RUNX1: variants seen among roughly 807,000 people sequenced by gnomAD.
The protein encoded by RUNX1 is RUNX family transcription factor 1, also known as runt-related transcription factor 1.
A neutral mutation model predicts 42.8 loss-of-function variants in RUNX1; 19 were observed. The observed-to-expected ratio is 0.44, with a 90% CI of 0.31 to 0.65. RUNX1 has a LOEUF of 0.65. RUNX1 is among the 30% of genes least tolerant of loss of function. The probability of loss-of-function intolerance (pLI) is 0.07; values close to 1 mark genes in which losing one functional copy is unlikely to be tolerated. For missense variants in RUNX1, 528 were observed against 672.0 expected (o/e 0.79, Z 2.37); for synonymous variants, 271 against 289.4 (o/e 0.94, Z 0.64).
At chr21:34,833,937 A>G (rs2057101439) in intron 7 of RUNX1, 2 of 315,254 alleles carry the variant, frequency 6.3e-6, no homozygotes, top group African/African-American at 4.3e-5. Flanking sequence ...TTTCTTAATA[A>G]TAAAAAAACA....
At chr21:35,049,054 C>T in intron 1 of RUNX1, 96 bp from the exon 2 acceptor site, 3 of 691,302 alleles carry the variant, frequency 4.3e-6, no homozygotes, top group South Asian at 3.0e-5. Flanking sequence ...ACCTCTGGGA[C>T]TCCCCAAGCC....
At chr21:34,890,631 C>A (rs2058070443) in intron 3 of RUNX1, among the ~76,000 whole-genome samples, 1 of 152,190 alleles carries the variant, frequency 6.6e-6, no homozygotes, top group Non-Finnish European at 1.5e-5. Flanking sequence ...CACCCGAGTT[C>A]AGTTTTGTTT....
chr21:34,903,848 A>C, intron 2 of RUNX1, among the ~76,000 whole-genome samples: 1 of 152,330 alleles, frequency 6.6e-6, no homozygotes, highest in East Asian at 1.9e-4. Flanking sequence ...CAAAAACTTT[A>C]AAATTTCATG....
chr21:34,920,931 T>C (rs1352735137), intron 2 of RUNX1, among the ~76,000 whole-genome samples: 1 of 152,212 alleles, frequency 6.6e-6, no homozygotes, highest in African/African-American at 2.4e-5. Context: ...TGATCTTGGC[T>C]CACTGCAACT....
At chr21:34,882,007 C>A (rs1027426421) in intron 4 of RUNX1, among the ~76,000 whole-genome samples, 2 of 152,160 alleles carry the variant, frequency 1.3e-5, no homozygotes, top group African/African-American at 4.8e-5. Context: ...CCAATTACAT[C>A]ATCATTTTTG....
intron 2 of RUNX1, among the ~76,000 whole-genome samples, chr21:34,930,779 AT>A (rs2058438523): frequency 6.6e-6 from 1 of 151,946 alleles, no homozygotes; most frequent in Non-Finnish European, 1.5e-5. Context: ...AAATTTTGAG[AT>A]TTGAGAAAAG....
chr21:34,981,522 T>A (rs1295112957), intron 2 of RUNX1, among the ~76,000 whole-genome samples: 2 of 152,196 alleles, frequency 1.3e-5, no homozygotes, highest in Non-Finnish European at 2.9e-5. Context: ...CACCCAGGAA[T>A]GGATTTAACT....
chr21:34,817,761 G>A (rs141919219), intron 7 of RUNX1, among the ~76,000 whole-genome samples: 12 of 152,256 alleles, frequency 7.9e-5, no homozygotes, highest in Non-Finnish European at 1.3e-4. Context: ...CCTCCACGTC[G>A]TGTGGTCCTG....
chr21:34,961,297 C>T (rs1316338431), intron 2 of RUNX1, among the ~76,000 whole-genome samples: 2 of 152,004 alleles, frequency 1.3e-5, no homozygotes, highest in Non-Finnish European at 2.9e-5. Context: ...GCGGATGTTA[C>T]AGTGAGCTGA....
At chr21:34,839,404 C>T (rs747835198) in intron 6 of RUNX1, among the ~76,000 whole-genome samples, 15 of 151,902 alleles carry the variant, frequency 9.9e-5, no homozygotes, top group Non-Finnish European at 1.9e-4. Context: ...CAACACCCAC[C>T]GACACACACA....
intron 2 of RUNX1, among the ~76,000 whole-genome samples, chr21:35,016,745 C>CT (rs1353023231): frequency 1.3e-5 from 2 of 152,120 alleles, no homozygotes; most frequent in Non-Finnish European, 2.9e-5. Flanking sequence ...CTGGGGACCT[C>CT]TTAGCACTTG....
chr21:34,795,752 T>C lies in RUNX1; in HGVS notation c.968-3142A>G, dbSNP rs1033237936. ...CTGTGAGCAAGCCCTGTGTCACTTG[T>C]TTTTGCTGACATGGAGAGCTGTGAC... On this transcript the variant is annotated intron_variant, in intron 8 of 8. Coordinates refer to ENST00000675419, the MANE Select transcript of RUNX1 (RefSeq NM_001754.5). Among the ~76,000 whole-genome samples the C allele has an allele frequency of 2.6e-5, 4 of 152,268 alleles. No individual in the cohort carries two copies. The East Asian group carries it at 7.7e-4, about 29-fold the overall frequency.
At chr21:34,864,450 C>T (rs2057626448) in intron 5 of RUNX1, among the ~76,000 whole-genome samples, 1 of 152,190 alleles carries the variant, frequency 6.6e-6, no homozygotes, top group African/African-American at 2.4e-5. Flanking sequence ...GGGCTGCTGC[C>T]GAGAGGGCCG....
chr21:34,941,527 C>T (rs185963048), intron 2 of RUNX1, among the ~76,000 whole-genome samples: 85 of 152,338 alleles, frequency 5.6e-4, no homozygotes, highest in African/African-American at 1.8e-3. Context: ...ACCAAAGAAA[C>T]ATACTTTGCT....
intron 6 of RUNX1, among the ~76,000 whole-genome samples, chr21:34,849,712 C>G (rs966366565): frequency 6.7e-6 from 1 of 149,774 alleles, no homozygotes; most frequent in Non-Finnish European, 1.5e-5. Flanking sequence ...TAGATTATAC[C>G]TAATTTACCC....
At chr21:34,889,636 C>A in intron 3 of RUNX1, 2 of 1,100,466 alleles carry the variant, frequency 1.8e-6, no homozygotes, top group Admixed American at 5.6e-5. Context: ...GCTCCTCTCC[C>A]CGCCCCCGTG....
chr21:34,889,703 T>C (rs2058054916), intron 3 of RUNX1: 2 of 1,175,324 alleles, frequency 1.7e-6, no homozygotes, highest in South Asian at 1.9e-5. Context: ...GGCGGCCGCT[T>C]CCCCCTGCGC....
chr21:34,852,881 C>T (rs369204756), intron 6 of RUNX1, among the ~76,000 whole-genome samples: 15 of 152,346 alleles, frequency 9.8e-5, no homozygotes, highest in African/African-American at 3.1e-4. Context: ...GTGAGCAATG[C>T]GATTGTGGAT....
chr21:34,856,202 C>A, intron 6 of RUNX1: 1 of 377,030 alleles, frequency 2.7e-6, no homozygotes, highest in Non-Finnish European at 5.3e-6. Flanking sequence ...TTCTCATTCT[C>A]AGTCCTTAAC....
Sources: gnomAD v4.1 joint callset for allele counts (sites outside exome capture counted in the v4.1 genomes callset) on GRCh38, gnomAD v4.1.1 for gene constraint, MANE v1.5 for transcripts, NCBI Gene and HGNC (gene_info 2026-07-23, HGNC 2026-07-21) for gene names.